Variants in CALB2 observed in about 807,000 individuals in gnomAD.
The protein encoded by CALB2 is calretinin.
CALB2 carries 34 observed loss-of-function variants against 45.9 expected under a neutral mutation model. That is an observed-to-expected ratio of 0.74 (90% CI 0.56 to 0.99). The LOEUF (loss-of-function observed/expected upper bound fraction) is 0.99, where lower values mean the gene tolerates loss of function less well. Ranked by LOEUF, CALB2 falls within the 50% of genes least tolerant of loss-of-function variation. The pLI is 0.00. For synonymous variants in CALB2, 142 were observed against 129.6 expected, an observed-to-expected ratio of 1.10 and a Z score of -0.65; for missense variants, 344 against 339.3, an observed-to-expected ratio of 1.01 and a Z score of -0.11.
At position 71,377,714 on chromosome 16, in the gene CALB2, G is replaced by A. The variant is rs1212166319; in HGVS notation, c.309G>A (p.Arg103=). The change falls in exon 4 of 11, where the codon AGG becomes AGA. Residue 103 remains arginine (R), a synonymous_variant. Transcript: ENST00000302628. ...AAGAGAACTTCCTTCTGTGCTTCAGGCAGCACGTGGGCTCCAGCGCCGAGT... is the reference window on the plus strand; with the variant it reads ...AAGAGAACTTCCTTCTGTGCTTCAGACAGCACGTGGGCTCCAGCGCCGAGT... ...PTEENFLLCF[R]QHVGSSAEFM... The A allele has an allele frequency of 1.2e-6, 2 of 1,613,968 alleles. No homozygotes were observed. Among genetic ancestry groups the A allele is most frequent in the African/African-American group, 2.7e-5 (2 of 74,906 alleles).
chr16:71,369,949 T>TC (rs1316600536), intron 1 of CALB2, among the ~76,000 whole-genome samples: 1 of 152,098 alleles, frequency 6.6e-6, no homozygotes, highest in Non-Finnish European at 1.5e-5. Flanking sequence ...CATCTCCCTG[T>TC]CCCTCACTCC....
intron 1 of CALB2, among the ~76,000 whole-genome samples, chr16:71,371,239 C>T (rs1005036165): frequency 3.3e-5 from 5 of 152,126 alleles, no homozygotes; most frequent in African/African-American, 4.8e-5. Flanking sequence ...TCTTCATTAC[C>T]AGGTGGGATG....
intron 1 of CALB2, among the ~76,000 whole-genome samples, chr16:71,368,155 A>G (rs1048025097): frequency 5.9e-5 from 9 of 152,176 alleles, no homozygotes; most frequent in African/African-American, 1.7e-4. Context: ...CCATTACAGC[A>G]TAAGCCCCAC....
chr16:71,387,501 CA>C (rs1487065587), intron 10 of CALB2, among the ~76,000 whole-genome samples: 5 of 151,848 alleles, frequency 3.3e-5, no homozygotes, highest in African/African-American at 1.2e-4. Flanking sequence ...GCACGCATTC[CA>C]TTTGGATGGT....
intron 2 of CALB2, among the ~76,000 whole-genome samples, 185 bp from the exon 3 acceptor site, chr16:71,374,559 GA>G (rs959519305): frequency 6.6e-6 from 1 of 152,136 alleles, no homozygotes; most frequent in Non-Finnish European, 1.5e-5. Context: ...CCTTGAAGAA[GA>G]GATGACTTAA....
intron 10 of CALB2, among the ~76,000 whole-genome samples, chr16:71,387,452 C>T (rs1026492888): frequency 1.7e-4 from 26 of 149,872 alleles, no homozygotes; most frequent in Admixed American, 3.3e-4. Context: ...TGTGCTGGAA[C>T]GGAAGGGCCT....
chr16:71,368,870 G>C (rs993447457), intron 1 of CALB2, among the ~76,000 whole-genome samples: 8 of 152,136 alleles, frequency 5.3e-5, no homozygotes, highest in Non-Finnish European at 1.2e-4. Flanking sequence ...CGAGGCACTG[G>C]ATGATTGTCT....
At chr16:71,376,639 C>T (rs1444681561) in intron 3 of CALB2, among the ~76,000 whole-genome samples, 1 of 152,100 alleles carries the variant, frequency 6.6e-6, no homozygotes, top group Non-Finnish European at 1.5e-5. Context: ...CCACATGCAA[C>T]CACATGTGCC....
chr16:71,363,105 G>A (rs1196026837), intron 1 of CALB2, among the ~76,000 whole-genome samples: 2 of 152,118 alleles, frequency 1.3e-5, no homozygotes, highest in African/African-American at 2.4e-5. Flanking sequence ...GATGGCTTGA[G>A]CCCAGGTAGT....
chr16:71,384,489 C>G (rs1027549449), intron 8 of CALB2, 111 bp downstream of exon 8: 1 of 868,294 alleles, frequency 1.2e-6, no homozygotes, highest in East Asian at 2.5e-5. Context: ...CCCACACACA[C>G]CACACACACA....
intron 2 of CALB2, 121 bp from the exon 3 acceptor site, chr16:71,374,624 A>G (rs8046337): frequency 0.31 from 205,962 of 655,934 alleles, 33,262 homozygotes; most frequent in South Asian, 0.38. Flanking sequence ...TCAGAGCATC[A>G]GCACAACTTG....
intron 2 of CALB2, among the ~76,000 whole-genome samples, 155 bp downstream of exon 2, chr16:71,372,384 G>A (rs4788542): frequency 0.15 from 23,277 of 152,132 alleles, 1,966 homozygotes; most frequent in African/African-American, 0.21. Flanking sequence ...TGTCCCCTAA[G>A]AGTACCCTAT....
At chr16:71,380,197 C>T (rs902729626) in intron 4 of CALB2, among the ~76,000 whole-genome samples, 1 of 151,408 alleles carries the variant, frequency 6.6e-6, no homozygotes, top group African/African-American at 2.4e-5. Flanking sequence ...AGCATCTCCC[C>T]GGACCCTTTT....
At chr16:71,373,175 T>C (rs2042372282) in intron 2 of CALB2, among the ~76,000 whole-genome samples, 1 of 152,150 alleles carries the variant, frequency 6.6e-6, no homozygotes, top group Non-Finnish European at 1.5e-5. Flanking sequence ...CACCCTCCCA[T>C]CAGCTCCCTC....
intron 1 of CALB2, among the ~76,000 whole-genome samples, chr16:71,360,226 G>A (rs1307406134): frequency 6.6e-6 from 1 of 152,220 alleles, no homozygotes; most frequent in African/African-American, 2.4e-5. Context: ...TCTGCCCAGA[G>A]TGCTATGGGG....
chr16:71,362,051 G>A (rs144030026), intron 1 of CALB2, among the ~76,000 whole-genome samples: 3 of 152,176 alleles, frequency 2.0e-5, no homozygotes, highest in African/African-American at 7.2e-5. Flanking sequence ...AGTGACCCTG[G>A]TGGGGTCTAG....
At position 71,389,835 on chromosome 16, in the gene CALB2, G is replaced by A. The variant is rs763992145; in HGVS notation, c.786G>A (p.Glu262=). 1 of 1,613,914 alleles carries A rather than the reference G, an allele frequency of 6.2e-7. No homozygotes were observed. Among genetic ancestry groups the A allele is most frequent in the Admixed American group, 1.7e-5 (1 of 60,026 alleles). ...EAGKLYRKDL[E]IVLCSEPPM is the part of the protein sequence containing the mutation. Reference sequence around the variant, plus strand: ...GGAAGCTCTACCGCAAGGACCTGGAGATTGTGCTCTGCAGCGAGCCCCCCA... The same window carrying A: ...GGAAGCTCTACCGCAAGGACCTGGAAATTGTGCTCTGCAGCGAGCCCCCCA... The change falls in exon 11 of 11, where the codon GAG becomes GAA. Residue 262 remains glutamate, a synonymous_variant. Transcript: ENST00000302628.
intron 3 of CALB2, among the ~76,000 whole-genome samples, chr16:71,375,354 A>G (rs1444041142): frequency 6.6e-6 from 1 of 152,272 alleles, no homozygotes; most frequent in East Asian, 1.9e-4. Context: ...ACACTCACAC[A>G]TACTCATATA....
At chr16:71,368,038 G>T (rs554919147) in intron 1 of CALB2, among the ~76,000 whole-genome samples, 1 of 152,224 alleles carries the variant, frequency 6.6e-6, no homozygotes, top group Admixed American at 6.5e-5. Flanking sequence ...CCTGGAAGTC[G>T]ATCTCTACTC....
Sources: allele counts gnomAD v4.1 joint callset (sites outside exome capture counted in the v4.1 genomes callset), GRCh38; gene constraint gnomAD v4.1.1; transcripts MANE v1.5; gene names NCBI Gene and HGNC (gene_info 2026-07-23, HGNC 2026-07-21).